The following C12orf56 variants were observed in gnomAD, a reference collection of about 807,000 sequenced individuals.
The protein encoded by C12orf56 is uncharacterized protein C12orf56.
A neutral mutation model predicts 69.9 loss-of-function variants in C12orf56; 71 were observed. The observed-to-expected ratio is 1.02, with a 90% CI of 0.84 to 1.24. The LOEUF (loss-of-function observed/expected upper bound fraction) is 1.24. Ranked by LOEUF, C12orf56 falls within the 50% of genes most tolerant of loss-of-function variation. The probability of loss-of-function intolerance (pLI) is 0.00; values close to 1 mark genes in which losing one functional copy is unlikely to be tolerated. For missense variants in C12orf56, 732 were observed against 738.5 expected, an observed-to-expected ratio of 0.99 and a Z score of 0.10; for synonymous variants, 276 against 274.1, an observed-to-expected ratio of 1.01 and a Z score of -0.07.
chr12:64,336,972 G>A (rs2039005132), intron 2 of C12orf56, among the ~76,000 whole-genome samples: 1 of 152,116 alleles, frequency 6.6e-6, no homozygotes, highest in Non-Finnish European at 1.5e-5. Context: ...ATGGAGATGA[G>A]GAAACTGAGA....
chr12:64,323,975 A>G (rs762796695), intron 3 of C12orf56, among the ~76,000 whole-genome samples: 1 of 152,160 alleles, frequency 6.6e-6, no homozygotes, highest in African/African-American at 2.4e-5. Context: ...AATCCTTCCA[A>G]TTACAAAGAC....
intron 1 of C12orf56, among the ~76,000 whole-genome samples, chr12:64,389,899 G>A (rs1411963801): frequency 2.0e-5 from 3 of 152,174 alleles, no homozygotes; most frequent in Non-Finnish European, 4.4e-5. Flanking sequence ...TATTTGCACG[G>A]GTGTTGGCTT....
intron 1 of C12orf56, among the ~76,000 whole-genome samples, chr12:64,365,081 T>G (rs990689409): frequency 6.6e-6 from 1 of 151,636 alleles, no homozygotes; most frequent in African/African-American, 2.4e-5. Flanking sequence ...CATTGAACAC[T>G]CATTACATGA....
intron 6 of C12orf56, among the ~76,000 whole-genome samples, chr12:64,301,601 G>A (rs1272045393): frequency 4.6e-5 from 7 of 152,248 alleles, no homozygotes; most frequent in East Asian, 1.9e-4. Flanking sequence ...AATCACTTAC[G>A]TCTTTAGATG....
chr12:64,343,526 A>T (rs1459958363), intron 2 of C12orf56, among the ~76,000 whole-genome samples: 1 of 152,212 alleles, frequency 6.6e-6, no homozygotes. Context: ...AGAAAAAGGC[A>T]TTTGCCAAGT....
Position 64,346,443 on chromosome 12 carries a change from A to G in C12orf56, c.415+6451T>C, listed in dbSNP as rs376564110. On this transcript the variant is annotated intron_variant, in intron 2 of 12. Coordinates refer to ENST00000543942, the MANE Select transcript of C12orf56 (RefSeq NM_001170633.2). ...TCAAATGTTAATCTCCTTTGACAAC[A>G]CCTTCACACACATACCCAGGATCAA... 1.0e-3 allele frequency among the ~76,000 whole-genome samples: 158 copies of G among 152,304 alleles called. 1 individual carries two copies. The highest frequency in any genetic ancestry group is 3.5e-3 in the African/African-American group (146 of 41,568).
chr12:64,326,890 T>C (rs141403721), intron 3 of C12orf56, among the ~76,000 whole-genome samples: 8 of 152,320 alleles, frequency 5.3e-5, no homozygotes, highest in Non-Finnish European at 8.8e-5. Flanking sequence ...TAATCCCCAG[T>C]ATGGCAGTAT....
At position 64,303,970 on chromosome 12, in the gene C12orf56, C is replaced by T. The variant is rs572104696; in HGVS notation, c.969-191G>A. Among the ~76,000 whole-genome samples, 4 of 152,278 alleles carry T rather than the reference C, an allele frequency of 2.6e-5. No individual in the cohort carries two copies. In the South Asian group the frequency reaches 8.3e-4, roughly 32 times the overall value. Reference sequence around the variant, plus strand: ...ACAAATTGAACTGTTTATTACGCTCCAAACATACTTTTTTGCCCGTGCCCC... The same window carrying T: ...ACAAATTGAACTGTTTATTACGCTCTAAACATACTTTTTTGCCCGTGCCCC... On this transcript the variant is annotated intron_variant, in intron 5 of 12. Coordinates refer to ENST00000543942, the MANE Select transcript of C12orf56 (RefSeq NM_001170633.2).
At chr12:64,343,737 C>T (rs191945430) in intron 2 of C12orf56, among the ~76,000 whole-genome samples, 38 of 152,330 alleles carry the variant, frequency 2.5e-4, no homozygotes, top group East Asian at 1.9e-3. Flanking sequence ...ACCATCCCTG[C>T]GTCTTTCAAG....
intron 1 of C12orf56, among the ~76,000 whole-genome samples, chr12:64,374,148 A>G (rs550559715): frequency 1.3e-5 from 2 of 152,352 alleles, no homozygotes; most frequent in East Asian, 3.9e-4. Context: ...CCATCTACAA[A>G]TTCCCAAAAG....
At chr12:64,339,288 T>C (rs1396228376) in intron 2 of C12orf56, among the ~76,000 whole-genome samples, 1 of 152,146 alleles carries the variant, frequency 6.6e-6, no homozygotes, top group African/African-American at 2.4e-5. Flanking sequence ...AAGTCTTTCC[T>C]CCCCTTTACC....
At chr12:64,329,224 C>T (rs180950524) in intron 3 of C12orf56, among the ~76,000 whole-genome samples, 14 of 152,206 alleles carry the variant, frequency 9.2e-5, no homozygotes, top group Admixed American at 9.2e-4. Context: ...GAGCGTGATC[C>T]CTTCTGACAT....
intron 5 of C12orf56, among the ~76,000 whole-genome samples, chr12:64,305,822 A>G (rs1326093044): frequency 6.6e-6 from 1 of 152,198 alleles, no homozygotes; most frequent in Non-Finnish European, 1.5e-5. Context: ...ATTTCATTTA[A>G]AAAGTAACTA....
intron 5 of C12orf56, among the ~76,000 whole-genome samples, chr12:64,308,768 G>T (rs7964829): frequency 2.6e-4 from 39 of 150,392 alleles, no homozygotes; most frequent in Non-Finnish European, 4.3e-4. Flanking sequence ...GCTTGAACCC[G>T]GGTGGTGGAG....
rs542304148 is a variant in C12orf56, at chr12:64,271,027, G to A, written c.1585-313C>T. Among the ~76,000 whole-genome samples the A allele has an allele frequency of 3.2e-4, 49 of 152,104 alleles. No individual in the cohort carries two copies. The South Asian group carries it at 6.9e-3, about 21-fold the overall frequency. ...CTAAAAATACAAAAATCAGTCAGGC[G>A]TGGTGGTGCATGCCTGTAATCCCAG... On this transcript the variant is annotated intron_variant, in intron 11 of 12. Coordinates refer to ENST00000543942, the MANE Select transcript of C12orf56 (RefSeq NM_001170633.2).
At chr12:64,356,192 A>AC (rs1019260853) in intron 1 of C12orf56, among the ~76,000 whole-genome samples, 3 of 151,828 alleles carry the variant, frequency 2.0e-5, no homozygotes, top group African/African-American at 4.8e-5. Flanking sequence ...AAAAAAAAAA[A>AC]AAAAAAACCA....
intron 4 of C12orf56, among the ~76,000 whole-genome samples, chr12:64,315,847 A>G (rs1164661546): frequency 6.6e-6 from 1 of 151,560 alleles, no homozygotes; most frequent in African/African-American, 2.4e-5. Context: ...AGGAGAATCA[A>G]TTGAACCCGG....
chr12:64,349,368 G>T (rs903367725), intron 2 of C12orf56, among the ~76,000 whole-genome samples: 1 of 152,116 alleles, frequency 6.6e-6, no homozygotes, highest in Non-Finnish European at 1.5e-5. Flanking sequence ...ATCAATAGAT[G>T]CTGGCATGGA....
chr12:64,318,949 C>T lies in C12orf56; in HGVS notation c.520G>A (p.Asp174Asn). 2 of 1,529,680 alleles carry T rather than the reference C, an allele frequency of 1.3e-6. No individual in the cohort carries two copies. The highest frequency in any genetic ancestry group is 1.7e-6 in the Non-Finnish European group (2 of 1,143,286). 94.8% of individuals were successfully genotyped at this position (1,529,680 alleles called of 1,614,324 possible). A position where few individuals can be genotyped will look rare whatever the true frequency, so the allele number is the denominator to read the frequency against. ...CCTGGACGAGGACAGAGAGTTGAGTCCTTGGATGGTGTACTGCTCTCCTGC... is the reference window on the plus strand; with the variant it reads ...CCTGGACGAGGACAGAGAGTTGAGTTCTTGGATGGTGTACTGCTCTCCTGC... ...DQQESSTPSK[D>N]STLCPRPGLK... The change falls in exon 4 of 13, where the codon GAC becomes AAC. Residue 174 changes from aspartate to asparagine, a missense_variant. Coordinates refer to ENST00000543942, the MANE Select transcript of C12orf56 (RefSeq NM_001170633.2).
Sources: allele counts gnomAD v4.1 joint callset (sites outside exome capture counted in the v4.1 genomes callset), GRCh38; gene constraint gnomAD v4.1.1; transcripts MANE v1.5; gene names NCBI Gene and HGNC (gene_info 2026-07-23, HGNC 2026-07-21).